The following PTP4A1 variants were observed in gnomAD, a reference collection of about 807,000 sequenced individuals.
PTP4A1 encodes the protein protein tyrosine phosphatase type IVA 1.
A neutral mutation model predicts 20.5 loss-of-function variants in PTP4A1; 9 were observed. The observed-to-expected ratio is 0.44, with a 90% CI of 0.26 to 0.77. The LOEUF (loss-of-function observed/expected upper bound fraction) is 0.77, where lower values mean the gene tolerates loss of function less well. PTP4A1 is among the 30% of genes least tolerant of loss of function. The pLI is 0.19. For synonymous variants in PTP4A1, 78 were observed against 67.4 expected (o/e 1.16, Z -0.77); for missense variants, 137 against 218.8 (o/e 0.63, Z 2.36).
intron 2 of PTP4A1, chr6:63,548,592 T>C (rs1327939010): frequency 6.5e-6 from 2 of 306,448 alleles, no homozygotes; most frequent in African/African-American, 2.2e-5. Context: ...GGGTACATGG[T>C]AGAAATTCAG....
At chr6:63,537,101 G>A (rs1205934218) in intron 2 of PTP4A1, among the ~76,000 whole-genome samples, 1 of 151,984 alleles carries the variant, frequency 6.6e-6, no homozygotes, top group Non-Finnish European at 1.5e-5. Flanking sequence ...AGTGAAAGGG[G>A]CTTCCATGGA....
intron 3 of PTP4A1, among the ~76,000 whole-genome samples, chr6:63,555,761 C>T (rs1421310688): frequency 6.6e-6 from 1 of 150,990 alleles, no homozygotes; most frequent in Non-Finnish European, 1.5e-5. Context: ...TGGCGTGATC[C>T]CGGCTCACTG....
At chr6:63,545,849 G>C (rs909301191) in intron 2 of PTP4A1, among the ~76,000 whole-genome samples, 1 of 151,472 alleles carries the variant, frequency 6.6e-6, no homozygotes, top group Non-Finnish European at 1.5e-5. Flanking sequence ...TGAGAAACCT[G>C]GTTCTAAGAA....
intron 1 of PTP4A1, among the ~76,000 whole-genome samples, chr6:63,522,995 G>C (rs568162685): frequency 6.6e-5 from 10 of 151,578 alleles, no homozygotes; most frequent in African/African-American, 2.2e-4. Flanking sequence ...CTCCGGAGTA[G>C]CTGGGACTAC....
intron 3 of PTP4A1, among the ~76,000 whole-genome samples, chr6:63,561,358 T>G (rs1056167431): frequency 6.6e-6 from 1 of 152,178 alleles, no homozygotes; most frequent in South Asian, 2.1e-4. Context: ...ACTCAATAAA[T>G]GTCAGTCAAT....
At position 63,581,678 on chromosome 6, in the gene PTP4A1, A is replaced by G. The variant is rs1214039958; in HGVS notation, c.*1504A>G. ...TTTTTAAAGGTCTAGATAATTTTGA[A>G]CCAATTTATTATTGTGTACTGAGGA... On this transcript the variant is annotated 3_prime_UTR_variant, in exon 6 of 6. Transcript: ENST00000626021. 1 of 152,160 alleles carries G rather than the reference A, an allele frequency of 6.6e-6. No individual in the cohort carries two copies. The allele number at this position is 152,160 out of a possible 1,614,324, so 9.4% of individuals were successfully genotyped here.
rs1355642507 is a variant in PTP4A1, at chr6:63,583,015, ATATC to A, written c.*2844_*2847del. The A allele has an allele frequency of 1.3e-5, 2 of 152,158 alleles. No homozygotes were observed. The highest frequency in any genetic ancestry group is 2.4e-5 in the African/African-American group (1 of 41,430). 9.4% of individuals were successfully genotyped at this position (152,158 alleles called of 1,614,324 possible). A position where few individuals can be genotyped will look rare whatever the true frequency, so the allele number is the denominator to read the frequency against. Reference sequence around the variant, plus strand: ...TTTTAATGTCATATTCATCTGGTAAATATCTACTGTTTGCCAGGCATTTAAGAAT... The same window carrying A: ...TTTTAATGTCATATTCATCTGGTAAATACTGTTTGCCAGGCATTTAAGAAT... On this transcript the variant is annotated 3_prime_UTR_variant, in exon 6 of 6. Coordinates refer to ENST00000626021, the MANE Select transcript of PTP4A1 (RefSeq NM_003463.5).
upstream of PTP4A1, chr6:63,571,066 T>C (rs1032621544): frequency 6.6e-6 from 1 of 152,232 alleles, no homozygotes; most frequent in African/African-American, 2.4e-5. Context: ...TAGTTTTCCT[T>C]GATTTTAATG....
intron 2 of PTP4A1, among the ~76,000 whole-genome samples, chr6:63,534,624 G>A (rs558778093): frequency 5.3e-5 from 8 of 152,156 alleles, no homozygotes; most frequent in African/African-American, 1.2e-4. Context: ...CCCAGGCAAC[G>A]TAGCAAGACA....
At chr6:63,537,955 G>A (rs1039678153) in intron 2 of PTP4A1, among the ~76,000 whole-genome samples, 1 of 152,230 alleles carries the variant, frequency 6.6e-6, no homozygotes, top group African/African-American at 2.4e-5. Flanking sequence ...AGAGGATGTA[G>A]TGTCACAGAC....
intron 2 of PTP4A1, among the ~76,000 whole-genome samples, chr6:63,529,135 G>GTATATATATATA (rs200448362): frequency 1.1e-4 from 15 of 133,912 alleles, no homozygotes; most frequent in African/African-American, 3.7e-4. Context: ...ATATATGTGT[G>GTATATATATATA]TGTATATATA....
chr6:63,581,868 G>T lies in PTP4A1; in HGVS notation c.*1694G>T, dbSNP rs767630066. ...AAATATTAGTATTTGGTACATGAAG[G>T]CTTAATGTTAAGTTTCCTTTAATGA... On this transcript the variant is annotated 3_prime_UTR_variant, in exon 6 of 6. Transcript: ENST00000626021. 6.6e-6 allele frequency: 1 copy of T among 152,096 alleles called. No individual in the cohort carries two copies. The highest frequency in any genetic ancestry group is 2.4e-5 in the African/African-American group (1 of 41,432). The allele number at this position is 152,096 out of a possible 1,614,324, so 9.4% of individuals were successfully genotyped here. A position where few individuals can be genotyped will look rare whatever the true frequency, so the allele number is the denominator to read the frequency against.
At chr6:63,534,353 G>T (rs1467861105) in intron 2 of PTP4A1, among the ~76,000 whole-genome samples, 2 of 152,082 alleles carry the variant, frequency 1.3e-5, no homozygotes, top group African/African-American at 4.8e-5. Context: ...TAGGAGCAAT[G>T]GTTCTCTGAG....
intron 2 of PTP4A1, among the ~76,000 whole-genome samples, chr6:63,533,811 G>A (rs572195967): frequency 1.1e-4 from 17 of 150,670 alleles, no homozygotes; most frequent in African/African-American, 3.2e-4. Context: ...ACAAAATATA[G>A]CAAATTCCTG....
At chr6:63,543,871 C>T (rs1304102989) in intron 2 of PTP4A1, among the ~76,000 whole-genome samples, 1 of 152,212 alleles carries the variant, frequency 6.6e-6, no homozygotes, top group East Asian at 1.9e-4. Flanking sequence ...TTTCATTTTA[C>T]TCTTCGTGTT....
chr6:63,577,029 A>G, intron 2 of PTP4A1, 44 bp downstream of exon 2: 1 of 1,465,600 alleles, frequency 6.8e-7, no homozygotes, highest in African/African-American at 1.4e-5. Flanking sequence ...ATTGCAATAT[A>G]ATAGTGGGAC....
At chr6:63,543,352 G>T (rs1581922273) in intron 2 of PTP4A1, among the ~76,000 whole-genome samples, 1 of 152,122 alleles carries the variant, frequency 6.6e-6, no homozygotes, top group East Asian at 1.9e-4. Flanking sequence ...CATCCTGCAG[G>T]TTTCCTTCTT....
intron 2 of PTP4A1, among the ~76,000 whole-genome samples, chr6:63,544,127 G>A (rs777198667): frequency 3.3e-5 from 5 of 152,106 alleles, no homozygotes; most frequent in Non-Finnish European, 7.4e-5. Flanking sequence ...GGGGAGTAAA[G>A]ACTACCAGAC....
rs1323450437 is a variant in PTP4A1 at position 63,582,429 on chromosome 6, CTG to C, written c.*2257_*2258del. ...AATTAATTTACTTTATAAACCTTAT[CTG>C]TACATTATACGATGTGATGAAATTT... On this transcript the variant is annotated 3_prime_UTR_variant, in exon 6 of 6. Transcript: ENST00000626021. 6.6e-6 allele frequency: 1 copy of C among 152,568 alleles called. No homozygotes were observed. The highest frequency in any genetic ancestry group is 2.4e-5 in the African/African-American group (1 of 41,444). The allele number at this position is 152,568 out of a possible 1,614,324, so 9.5% of individuals were successfully genotyped here.
Sources: gnomAD v4.1 joint callset for allele counts (sites outside exome capture counted in the v4.1 genomes callset) on GRCh38, gnomAD v4.1.1 for gene constraint, MANE v1.5 for transcripts, NCBI Gene and HGNC (gene_info 2026-07-23, HGNC 2026-07-21) for gene names.